The following FAF1 variants were observed in gnomAD, a reference collection of about 807,000 sequenced individuals.
FAF1 encodes the protein Fas associated factor 1.
In FAF1, 25 loss-of-function variants were observed where a neutral mutation model predicts 92.5. That is an observed-to-expected ratio of 0.27 (90% CI 0.20 to 0.38). The LOEUF (loss-of-function observed/expected upper bound fraction) is 0.38. Ranked by LOEUF, FAF1 falls within the 10% of genes least tolerant of loss-of-function variation. FAF1 has a pLI of 1.00. For synonymous variants in FAF1, 234 were observed against 273.2 expected, an observed-to-expected ratio of 0.86 and a Z score of 1.42; for missense variants, 636 against 793.3, an observed-to-expected ratio of 0.80 and a Z score of 2.38.
chr1:50,634,074 GT>G (rs1377108456), intron 8 of FAF1, among the ~76,000 whole-genome samples: 1 of 152,046 alleles, frequency 6.6e-6, no homozygotes, highest in Non-Finnish European at 1.5e-5. Flanking sequence ...ATTAAACAAT[GT>G]CATGATGCGA....
At chr1:50,603,531 C>G (rs1186367703) in intron 8 of FAF1, among the ~76,000 whole-genome samples, 3 of 152,166 alleles carry the variant, frequency 2.0e-5, no homozygotes, top group Non-Finnish European at 4.4e-5. Flanking sequence ...TAGTTTTAAA[C>G]CGAACTGAGT....
At chr1:50,519,878 C>G (rs1005015659) in intron 15 of FAF1, among the ~76,000 whole-genome samples, 13 of 152,324 alleles carry the variant, frequency 8.5e-5, no homozygotes, top group African/African-American at 3.1e-4. Context: ...AGGCCTAACT[C>G]TGCTAGGCAG....
intron 2 of FAF1, among the ~76,000 whole-genome samples, chr1:50,810,165 G>T (rs779719857): frequency 1.3e-5 from 2 of 152,192 alleles, no homozygotes; most frequent in Non-Finnish European, 2.9e-5. Flanking sequence ...TGATGCAGGA[G>T]AAATGCTTGA....
At chr1:50,891,454 T>C (rs1644719089) in intron 1 of FAF1, among the ~76,000 whole-genome samples, 1 of 152,204 alleles carries the variant, frequency 6.6e-6, no homozygotes, top group African/African-American at 2.4e-5. Flanking sequence ...TTTAGAATTT[T>C]CAGCTTTTCT....
intron 13 of FAF1, among the ~76,000 whole-genome samples, chr1:50,565,674 G>A (rs1449116683): frequency 1.3e-5 from 2 of 151,988 alleles, no homozygotes; most frequent in East Asian, 3.8e-4. Context: ...CTCAAACACT[G>A]TTTTTCAAAA....
chr1:50,804,296 C>G (rs1298041132), intron 2 of FAF1, among the ~76,000 whole-genome samples: 1 of 152,154 alleles, frequency 6.6e-6, no homozygotes, highest in Non-Finnish European at 1.5e-5. Flanking sequence ...AAGAAAGCAA[C>G]ATCTGCTTAA....
intron 2 of FAF1, among the ~76,000 whole-genome samples, chr1:50,837,419 T>A (rs1336414106): frequency 6.6e-6 from 1 of 152,222 alleles, no homozygotes. Context: ...TTTTATAGAA[T>A]AACCTCCAAT....
intron 15 of FAF1, among the ~76,000 whole-genome samples, chr1:50,524,002 C>T (rs1366074482): frequency 6.6e-6 from 1 of 152,198 alleles, no homozygotes; most frequent in Non-Finnish European, 1.5e-5. Flanking sequence ...AAATTACACT[C>T]CCACTAACAG....
intron 1 of FAF1, among the ~76,000 whole-genome samples, chr1:50,934,161 A>G (rs1645069022): frequency 6.6e-6 from 1 of 152,172 alleles, no homozygotes; most frequent in Non-Finnish European, 1.5e-5. Flanking sequence ...AGAACTTATC[A>G]GTTTACCTTG....
intron 1 of FAF1, among the ~76,000 whole-genome samples, chr1:50,931,829 G>A (rs1040205159): frequency 8.6e-5 from 13 of 151,136 alleles, no homozygotes; most frequent in African/African-American, 2.2e-4. Context: ...AGCCGAGATC[G>A]TGCCACTGCA....
intron 8 of FAF1, among the ~76,000 whole-genome samples, chr1:50,654,089 C>A (rs1328369393): frequency 6.6e-6 from 1 of 152,182 alleles, no homozygotes; most frequent in African/African-American, 2.4e-5. Context: ...GTAGCATCTA[C>A]ATAAATTGTC....
At chr1:50,450,193 C>CA (rs558054363) in intron 18 of FAF1, among the ~76,000 whole-genome samples, 7,234 of 75,664 alleles carry the variant, frequency 0.096, 598 homozygotes, top group African/African-American at 0.26. Flanking sequence ...GACTCCATCT[C>CA]AAAAAAAAAA....
chr1:50,646,026 A>C (rs1201655584), intron 8 of FAF1, among the ~76,000 whole-genome samples: 1 of 152,224 alleles, frequency 6.6e-6, no homozygotes, highest in Non-Finnish European at 1.5e-5. Context: ...TCCCTAAAAA[A>C]TGGCAACTTC....
intron 1 of FAF1, among the ~76,000 whole-genome samples, chr1:50,895,347 A>C (rs1356826967): frequency 1.3e-5 from 2 of 152,170 alleles, no homozygotes; most frequent in African/African-American, 4.8e-5. Flanking sequence ...GACCAGTAAC[A>C]AGTAACAAGA....
At chr1:50,749,236 T>A (rs905189285) in intron 4 of FAF1, among the ~76,000 whole-genome samples, 49 of 152,326 alleles carry the variant, frequency 3.2e-4, no homozygotes, top group African/African-American at 1.1e-3. Flanking sequence ...CTTATGCATT[T>A]GCAAGTCTGT....
At chr1:50,713,215 A>C (rs1658016969) in intron 6 of FAF1, among the ~76,000 whole-genome samples, 1 of 151,986 alleles carries the variant, frequency 6.6e-6, no homozygotes, top group Non-Finnish European at 1.5e-5. Flanking sequence ...TCAGGGTCAA[A>C]AGGATGAGTG....
chr1:50,877,971 T>C (rs1249784295), intron 1 of FAF1, among the ~76,000 whole-genome samples: 2 of 152,230 alleles, frequency 1.3e-5, no homozygotes, highest in Non-Finnish European at 2.9e-5. Context: ...CAACCTGTTG[T>C]TGCTCTAAGA....
At chr1:50,710,205 C>A (rs1657861884) in intron 6 of FAF1, among the ~76,000 whole-genome samples, 1 of 152,112 alleles carries the variant, frequency 6.6e-6, no homozygotes, top group Admixed American at 6.6e-5. Context: ...TTATGCAATT[C>A]CTTAGATATG....
At chr1:50,742,541 G>A (rs140872563) in intron 5 of FAF1, among the ~76,000 whole-genome samples, 1,966 of 152,070 alleles carry the variant, frequency 0.013, 42 homozygotes, top group African/African-American at 0.043. Context: ...GCACCACCAC[G>A]CCCAGCTAAT....
Sources: gnomAD v4.1 joint callset for allele counts (sites outside exome capture counted in the v4.1 genomes callset) on GRCh38, gnomAD v4.1.1 for gene constraint, MANE v1.5 for transcripts, NCBI Gene and HGNC (gene_info 2026-07-23, HGNC 2026-07-21) for gene names.